The following SLC45A1 variants were observed in gnomAD, a reference collection of about 807,000 sequenced individuals.
SLC45A1 encodes the protein solute carrier family 45 member 1.
SLC45A1 carries 28 observed loss-of-function variants against 57.6 expected under a neutral mutation model. The observed-to-expected ratio is 0.49, with a 90% CI of 0.36 to 0.67. The LOEUF is 0.67. Among genes scored for constraint, SLC45A1 ranks in the 30% least tolerant of loss-of-function variants. The pLI, the probability that SLC45A1 is intolerant of heterozygous loss-of-function variation, is 0.00. For synonymous variants in SLC45A1, 459 were observed against 471.5 expected (o/e 0.97, Z 0.34); for missense variants, 814 against 1,041.5 (o/e 0.78, Z 3.01).
chr1:8,332,178 C>T (rs1374270708), intron 5 of SLC45A1, among the ~76,000 whole-genome samples: 2 of 152,228 alleles, frequency 1.3e-5, no homozygotes, highest in Admixed American at 6.5e-5. Context: ...GCATAGTGTG[C>T]ACCCCACTTG....
intron 5 of SLC45A1, among the ~76,000 whole-genome samples, chr1:8,332,271 G>A (rs910015800): frequency 2.0e-5 from 3 of 152,186 alleles, no homozygotes; most frequent in Non-Finnish European, 4.4e-5. Flanking sequence ...AAGTCTTCAT[G>A]GACGGTGGAA....
intron 7 of SLC45A1, 27 bp from the exon 8 acceptor site, chr1:8,339,466 A>T (rs1268987859): frequency 6.2e-7 from 1 of 1,612,462 alleles, no homozygotes; most frequent in Non-Finnish European, 8.5e-7. Flanking sequence ...GCCGTGTGGC[A>T]CTGCTCACCC....
chr1:8,329,139 T>C (rs1640292991), intron 4 of SLC45A1, among the ~76,000 whole-genome samples: 1 of 152,090 alleles, frequency 6.6e-6, no homozygotes, highest in Non-Finnish European at 1.5e-5. Context: ...CTCGAAATAA[T>C]GAGATCCATG....
chr1:8,339,365 GC>G, intron 7 of SLC45A1, 127 bp from the exon 8 acceptor site: 1 of 834,920 alleles, frequency 1.2e-6, no homozygotes, highest in East Asian at 2.6e-5. Flanking sequence ...CTGGTCTGGG[GC>G]AAGTGACCTG....
chr1:8,337,801 C>A lies in SLC45A1; in HGVS notation c.1598-15C>A. The stretch of plus-strand genomic sequence containing the variant: ...CCTTTGCCCCCGAGGTCATGAACCT[C>A]TTTCTTTCTTCCAGGGTGGCTCTCA... On this transcript the variant is annotated splice_polypyrimidine_tract_variant and intron_variant, in intron 6 of 8. Transcript: ENST00000471889. The A allele has an allele frequency of 6.2e-7, 1 of 1,610,764 alleles. No homozygotes were observed. The highest frequency in any genetic ancestry group is 1.1e-5 in the South Asian group (1 of 90,678).
intron 1 of SLC45A1, among the ~76,000 whole-genome samples, chr1:8,319,748 A>C (rs912881970): frequency 7.9e-5 from 12 of 151,902 alleles, no homozygotes; most frequent in African/African-American, 2.9e-4. Context: ...CAAGAGTCTC[A>C]CTCTGTTGCC....
intron 5 of SLC45A1, among the ~76,000 whole-genome samples, chr1:8,331,796 C>CT (rs35070407): frequency 0.99 from 141,451 of 143,576 alleles, 69,687 homozygotes; most frequent in South Asian, 1. Flanking sequence ...AGTGACAACT[C>CT]TTTTTTTTTT....
rs145227310 is a variant in SLC45A1, at chr1:8,318,743, C to T, written c.-25+557C>T. 2.6e-3 allele frequency among the ~76,000 whole-genome samples: 401 copies of T among 152,318 alleles called. 3 individuals carry two copies. Among genetic ancestry groups the T allele is most frequent in the Admixed American group, 0.015 (222 of 15,292 alleles). ...CTCTAATTATTTCTAGAGTGACAGC[C>T]GTGCATGTTTTTCAGCTCTTACAGG... On this transcript the variant is annotated intron_variant, in intron 1 of 8. Coordinates refer to ENST00000471889, the MANE Select transcript of SLC45A1 (RefSeq NM_001080397.3).
At position 8,339,507 on chromosome 1, in the gene SLC45A1, C is replaced by A. The variant is rs1196503914; in HGVS notation, c.1789C>A (p.Leu597Met). The change falls in exon 8 of 9, where the codon CTG (leucine) becomes ATG (methionine). Residue 597 changes from leucine (L) to methionine (M), a missense_variant. By Grantham distance (15) the Leu-to-Met change is conservative. Transcript: ENST00000471889. Reference sequence around the variant, plus strand: ...GTGGCCCGCAGCTATCCTGGAGAAGCTGGAGGAGTTCCTCAGCGTCCGCAC... The same window carrying A: ...GTGGCCCGCAGCTATCCTGGAGAAGATGGAGGAGTTCCTCAGCGTCCGCAC... ...AAFYSAILEKLEEFLSVRTLY... is the reference protein window; with the variant it reads ...AAFYSAILEKMEEFLSVRTLY... 1.2e-6 allele frequency: 2 copies of A among 1,614,058 alleles called. No homozygotes were observed. The highest frequency in any genetic ancestry group is 2.7e-5 in the African/African-American group (2 of 74,934).
chr1:8,330,169 C>T lies in SLC45A1; in HGVS notation c.716-40C>T, dbSNP rs376145020. ...GGGGCCACCGCGTTTGGGGCTTCTC[C>T]TCCCGCAGAAGGGAACTCAAACCCT... is the stretch of plus-strand genomic sequence containing the variant. On this transcript the variant is annotated intron_variant, in intron 4 of 8. Coordinates refer to ENST00000471889, the MANE Select transcript of SLC45A1 (RefSeq NM_001080397.3). This position sits in a 1 kb window ranked among gnomAD's most constrained non-coding sequence, Gnocchi z 8.4. 7.5e-6 allele frequency: 12 copies of T among 1,593,618 alleles called. No individual in the cohort carries two copies. The African/African-American group carries it at 1.1e-4, about 14-fold the overall frequency.
At chr1:8,338,092 A>G in intron 7 of SLC45A1, 100 bp downstream of exon 7, 1 of 1,095,730 alleles carries the variant, frequency 9.1e-7, no homozygotes, top group Non-Finnish European at 1.3e-6. Flanking sequence ...GATTGCAGAC[A>G]CCACATCCCA....
In SLC45A1 at chr1:8,325,067, T is replaced by C. The variant is rs1380726669; in HGVS notation, c.398-231T>C. On this transcript the variant is annotated intron_variant, in intron 2 of 8. Transcript: ENST00000471889. This position sits in a 1 kb window ranked among gnomAD's most constrained non-coding sequence, Gnocchi z 6.3. ...ATTCCCAAGGAAAGTCGTGGCTGCT[T>C]AGGGCCTTAGGGTCCAAAGTGGAGG... Among the ~76,000 whole-genome samples the C allele has an allele frequency of 6.6e-6, 1 of 152,150 alleles. No homozygotes were observed. Among genetic ancestry groups the C allele is most frequent in the African/African-American group, 2.4e-5 (1 of 41,448 alleles).
At chr1:8,338,847 G>A (rs1355413088) in intron 7 of SLC45A1, among the ~76,000 whole-genome samples, 1 of 152,142 alleles carries the variant, frequency 6.6e-6, no homozygotes, top group Non-Finnish European at 1.5e-5. Flanking sequence ...TCTGCCAACT[G>A]CTTTATTTTA....
In SLC45A1 at chr1:8,335,693, C is replaced by G. The variant is rs1640588484; in HGVS notation, c.1597+103C>G. 5 of 1,294,102 alleles carry G rather than the reference C, an allele frequency of 3.9e-6. No individual in the cohort carries two copies. Among genetic ancestry groups the G allele is most frequent in the Non-Finnish European group, 5.2e-6 (5 of 962,978 alleles). The allele number at this position is 1,294,102 out of a possible 1,614,324, so 80.2% of individuals were successfully genotyped here. On this transcript the variant is annotated intron_variant, in intron 6 of 8. Coordinates refer to ENST00000471889, the MANE Select transcript of SLC45A1 (RefSeq NM_001080397.3). The surrounding 1 kb of genome is among the most constrained non-coding windows in gnomAD (Gnocchi z 4.1). The stretch of plus-strand genomic sequence containing the variant: ...CTGAGCCTCCCTTCCCAGAACCTTT[C>G]TGAGTTCACCAGCCCCCAACAACAG...
intron 7 of SLC45A1, among the ~76,000 whole-genome samples, chr1:8,338,211 CG>C (rs1409862383): frequency 6.6e-6 from 1 of 152,204 alleles, no homozygotes; most frequent in East Asian, 1.9e-4. Flanking sequence ...TGGTGGCCTA[CG>C]GGGGCACGGG....
At chr1:8,319,110 A>G (rs1639913112) in intron 1 of SLC45A1, among the ~76,000 whole-genome samples, 1 of 152,164 alleles carries the variant, frequency 6.6e-6, no homozygotes, top group Admixed American at 6.5e-5. Flanking sequence ...GTGAAACCCC[A>G]TCTCTACTAA....
chr1:8,332,867 G>A (rs545550626), intron 5 of SLC45A1, among the ~76,000 whole-genome samples: 1 of 152,322 alleles, frequency 6.6e-6, no homozygotes, highest in East Asian at 1.9e-4. Flanking sequence ...GTAGACATAA[G>A]AGTTGCTGGC....
At chr1:8,337,675 C>A in intron 6 of SLC45A1, 141 bp from the exon 7 acceptor site, 1 of 711,136 alleles carries the variant, frequency 1.4e-6, no homozygotes. Context: ...GCCTCAGCCT[C>A]CCAAAGTGCT....
At position 8,335,630 on chromosome 1, in the gene SLC45A1, G is replaced by A. The variant is rs771120317; in HGVS notation, c.1597+40G>A. The A allele has an allele frequency of 9.7e-6, 15 of 1,544,184 alleles. No individual in the cohort carries two copies. The Admixed American group carries it at 2.1e-4, about 22-fold the overall frequency. On this transcript the variant is annotated intron_variant, in intron 6 of 8. Coordinates refer to ENST00000471889, the MANE Select transcript of SLC45A1 (RefSeq NM_001080397.3). The surrounding 1 kb of genome is among the most constrained non-coding windows in gnomAD (Gnocchi z 4.1). ...AAGCCTCCCCGTGAGTCCTGGTCCTGCTCAGGGCTCTCGCCCCACTGGCCT... is the reference window on the plus strand; with the variant it reads ...AAGCCTCCCCGTGAGTCCTGGTCCTACTCAGGGCTCTCGCCCCACTGGCCT...
Sources: gnomAD v4.1 joint callset for allele counts (sites outside exome capture counted in the v4.1 genomes callset) on GRCh38, gnomAD v4.1.1 for gene constraint, Gnocchi (gnomAD v3.1) non-coding constraint, MANE v1.5 for transcripts, NCBI Gene and HGNC (gene_info 2026-07-23, HGNC 2026-07-21) for gene names.